The following GSAP variants were observed in gnomAD, a reference collection of about 807,000 sequenced individuals.
GSAP encodes the protein gamma-secretase-activating protein.
GSAP carries 118 observed loss-of-function variants against 131.7 expected under a neutral mutation model. That is an observed-to-expected ratio of 0.90 (90% CI 0.77 to 1.04). The LOEUF (loss-of-function observed/expected upper bound fraction) is 1.04, where lower values mean the gene tolerates loss of function less well. GSAP is among the 50% of genes least tolerant of loss of function. The pLI, the probability that GSAP is intolerant of heterozygous loss-of-function variation, is 0.00. For missense variants in GSAP, 1,019 were observed against 1,013.2 expected (o/e 1.01, Z -0.08); for synonymous variants, 381 against 363.4 (o/e 1.05, Z -0.55).
At chr7:77,377,485 T>C (rs1797126806) in intron 8 of GSAP, 95 bp from the exon 9 acceptor site, 2 of 1,338,258 alleles carry the variant, frequency 1.5e-6, no homozygotes, top group Non-Finnish European at 2.0e-6. Flanking sequence ...TGTCTATCTT[T>C]ATGATACATG....
At chr7:77,327,670 G>A (rs924726453) in intron 22 of GSAP, among the ~76,000 whole-genome samples, 1 of 152,206 alleles carries the variant, frequency 6.6e-6, no homozygotes, top group Admixed American at 6.5e-5. Flanking sequence ...CATGAGGCAC[G>A]AAAGTGTTCT....
At chr7:77,314,304 C>T in intron 27 of GSAP, 66 bp downstream of exon 27, 1 of 1,592,914 alleles carries the variant, frequency 6.3e-7, no homozygotes, top group South Asian at 1.1e-5. Flanking sequence ...GGTTGCACAC[C>T]CAAGAAGCTA....
Position 77,330,262 on chromosome 7 carries a change from A to C in GSAP, c.1651T>G (p.Trp551Gly). 6.2e-7 allele frequency: 1 copy of C among 1,612,436 alleles called. No individual in the cohort carries two copies. Among genetic ancestry groups the C allele is most frequent in the Non-Finnish European group, 8.5e-7 (1 of 1,179,168 alleles). Reference sequence around the variant, plus strand: ...ACCTCTTCAGAGATCAGGTTGTGCCACTCTCTCCTGACCACACTGTTGTTA... The same window carrying C: ...ACCTCTTCAGAGATCAGGTTGTGCCCCTCTCTCCTGACCACACTGTTGTTA... ...HYNNSVVRRE[W>G]HNLISEEKTG... Residue 551 changes from tryptophan to glycine, a missense_variant, in exon 20 of 31, where the codon TGG becomes GGG. By Grantham distance (184) the Trp-to-Gly change is radical. Coordinates refer to ENST00000257626, the MANE Select transcript of GSAP (RefSeq NM_017439.4).
intron 1 of GSAP, among the ~76,000 whole-genome samples, chr7:77,408,089 A>C (rs1802613950): frequency 6.6e-6 from 1 of 152,154 alleles, no homozygotes; most frequent in Admixed American, 6.5e-5. Flanking sequence ...AGCATGAAGG[A>C]CTTCTGAGGT....
chr7:77,353,099 A>G (rs975031093), intron 17 of GSAP, 73 bp from the exon 18 acceptor site: 1 of 806,948 alleles, frequency 1.2e-6, no homozygotes, highest in African/African-American at 1.7e-5. Flanking sequence ...TTGTAATGCA[A>G]CCAAAACACG....
chr7:77,379,696 C>T (rs959618392), intron 8 of GSAP, among the ~76,000 whole-genome samples: 6 of 152,158 alleles, frequency 3.9e-5, no homozygotes, highest in Admixed American at 2.0e-4. Context: ...TCATCACTGG[C>T]TTTGGGATTC....
chr7:77,331,096 G>A (rs987480229), intron 19 of GSAP, among the ~76,000 whole-genome samples: 9 of 152,094 alleles, frequency 5.9e-5, no homozygotes, highest in Non-Finnish European at 7.4e-5. Context: ...GGCGGATCAC[G>A]AAGTCAGGAG....
chr7:77,312,995 A>G (rs1165542611), intron 28 of GSAP, among the ~76,000 whole-genome samples: 2 of 152,020 alleles, frequency 1.3e-5, no homozygotes, highest in Non-Finnish European at 2.9e-5. Flanking sequence ...ACCATGTCAT[A>G]TTTTCATAGT....
At chr7:77,416,113 C>G in intron 1 of GSAP, 100 bp downstream of exon 1, 1 of 631,240 alleles carries the variant, frequency 1.6e-6, no homozygotes, top group Non-Finnish European at 2.5e-6. Flanking sequence ...CTTCTCAGGG[C>G]GGCGACGCCC....
intron 5 of GSAP, among the ~76,000 whole-genome samples, chr7:77,392,880 G>A (rs1799805041): frequency 6.6e-6 from 1 of 152,056 alleles, no homozygotes; most frequent in Non-Finnish European, 1.5e-5. Flanking sequence ...GTGGCAATGG[G>A]GCCCCTGACC....
intron 19 of GSAP, among the ~76,000 whole-genome samples, chr7:77,337,099 A>T (rs1790106273): frequency 6.6e-6 from 1 of 152,180 alleles, no homozygotes; most frequent in African/African-American, 2.4e-5. Context: ...TGTGGGGTCA[A>T]GTCTTTTGTG....
At chr7:77,391,133 AAAAAAAAAAAAAAAG>A (rs1228892728) in intron 5 of GSAP, among the ~76,000 whole-genome samples, 11 of 111,636 alleles carry the variant, frequency 9.9e-5, no homozygotes, top group Admixed American at 2.5e-4. Context: ...CTCAAAAAAA[AAAAAAAAAAAAAAAG>A]AAAAAGAAAA....
chr7:77,364,194 T>G (rs1456832910), intron 12 of GSAP, among the ~76,000 whole-genome samples: 11 of 151,876 alleles, frequency 7.2e-5, no homozygotes, highest in Admixed American at 7.2e-4. Flanking sequence ...AGTGAATGAG[T>G]CAACTAACAC....
intron 1 of GSAP, chr7:77,415,947 C>A (rs1804339769): frequency 2.6e-6 from 1 of 378,146 alleles, no homozygotes; most frequent in African/African-American, 2.1e-5. Context: ...GCCCCTCTGC[C>A]AAGGGCGAAT....
chr7:77,368,691 A>AG (rs1795684983), intron 12 of GSAP, among the ~76,000 whole-genome samples: 1 of 152,256 alleles, frequency 6.6e-6, no homozygotes. Context: ...CAGGCAAGTT[A>AG]ATTAAATTAT....
intron 22 of GSAP, chr7:77,326,779 AGGT>A (rs1788381026): frequency 1.3e-5 from 2 of 152,684 alleles, no homozygotes; most frequent in East Asian, 3.8e-4. Context: ...AGTTAGGTAA[AGGT>A]GGAAAAGTGA....
chr7:77,405,419 T>A (rs1266045747), intron 2 of GSAP, among the ~76,000 whole-genome samples: 1 of 152,268 alleles, frequency 6.6e-6, no homozygotes, highest in Non-Finnish European at 1.5e-5. Flanking sequence ...GTTTAAACAT[T>A]TTTACTTGGC....
chr7:77,360,852 C>A lies in GSAP; in HGVS notation c.999G>T (p.Met333Ile). ...TTSLENVGSH[M>I]TKGITFLNLD... ...GGTTGAGAAAAGTAATGCCCTTTGT[C>A]ATGTGTGACCCAACATTCTCAAGAG... is the stretch of plus-strand genomic sequence containing the variant. The change falls in exon 14 of 31, where the codon ATG becomes ATT. Residue 333 changes from methionine (M) to isoleucine (I), a missense_variant. Transcript: ENST00000257626. 2 of 1,600,704 alleles carry A rather than the reference C, an allele frequency of 1.2e-6. No homozygotes were observed. The highest frequency in any genetic ancestry group is 2.2e-5 in the South Asian group (2 of 90,744).
intron 12 of GSAP, among the ~76,000 whole-genome samples, chr7:77,368,960 A>G (rs1179055114): frequency 2.0e-5 from 3 of 152,182 alleles, no homozygotes; most frequent in African/African-American, 2.4e-5. Context: ...GATGAAGATA[A>G]TATCTCAACG....
Sources: gnomAD v4.1 joint callset for allele counts (sites outside exome capture counted in the v4.1 genomes callset) on GRCh38, gnomAD v4.1.1 for gene constraint, MANE v1.5 for transcripts, NCBI Gene and HGNC (gene_info 2026-07-23, HGNC 2026-07-21) for gene names.